PAX3: variants seen among roughly 807,000 people sequenced by gnomAD.
PAX3 encodes the protein paired box 3.
PAX3 carries 14 observed loss-of-function variants against 51.6 expected under a neutral mutation model. The observed-to-expected ratio is 0.27, with a 90% CI of 0.18 to 0.42. The LOEUF (loss-of-function observed/expected upper bound fraction) is 0.42. PAX3 is among the 10% of genes least tolerant of loss of function. PAX3 has a pLI of 1.00. For missense variants in PAX3, 540 were observed against 642.8 expected (o/e 0.84, Z 1.73); for synonymous variants, 280 against 253.4 (o/e 1.11, Z -1.00).
chr2:222,296,020 G>T (rs922275678), intron 2 of PAX3, among the ~76,000 whole-genome samples: 2 of 152,184 alleles, frequency 1.3e-5, no homozygotes, highest in African/African-American at 4.8e-5. Context: ...CTAAAAAAGC[G>T]ATGTTTGAAA....
intron 4 of PAX3, among the ~76,000 whole-genome samples, chr2:222,249,604 A>C (rs1693350675): frequency 6.6e-6 from 1 of 152,228 alleles, no homozygotes; most frequent in Non-Finnish European, 1.5e-5. Flanking sequence ...CACTTTAAGA[A>C]CACAAAACTA....
At chr2:222,242,383 A>G (rs970323986) in intron 4 of PAX3, 9 of 152,164 alleles carry the variant, frequency 5.9e-5, no homozygotes, top group Non-Finnish European at 1.5e-5. Flanking sequence ...CTGACCTGCT[A>G]ACAGCTTCCT....
intron 4 of PAX3, among the ~76,000 whole-genome samples, chr2:222,238,453 C>T (rs554349630): frequency 1.5e-4 from 23 of 152,226 alleles, no homozygotes; most frequent in African/African-American, 5.1e-4. Context: ...AATGGAGAAA[C>T]AAAATAATTC....
intron 4 of PAX3, among the ~76,000 whole-genome samples, chr2:222,253,122 A>G (rs1361405409): frequency 6.6e-6 from 1 of 152,228 alleles, no homozygotes; most frequent in Non-Finnish European, 1.5e-5. Flanking sequence ...CAGAAGCAGC[A>G]TGAAAGAAAG....
chr2:222,243,114 G>T (rs1166621209), intron 4 of PAX3, among the ~76,000 whole-genome samples: 1 of 152,064 alleles, frequency 6.6e-6, no homozygotes, highest in Non-Finnish European at 1.5e-5. Context: ...TATCCACAAG[G>T]AAACTTTGCC....
intron 4 of PAX3, among the ~76,000 whole-genome samples, chr2:222,267,178 C>T (rs183248748): frequency 6.6e-6 from 1 of 152,300 alleles, no homozygotes; most frequent in Admixed American, 6.5e-5. Flanking sequence ...GCCTTCACTC[C>T]TCATAGCACA....
At chr2:222,294,355 G>A in intron 3 of PAX3, 54 bp from the exon 4 acceptor site, 1 of 1,605,212 alleles carries the variant, frequency 6.2e-7, no homozygotes. Flanking sequence ...GAGACAAGCA[G>A]GGCTGTGCGG....
chr2:222,280,767 G>A (rs978272336), intron 4 of PAX3, among the ~76,000 whole-genome samples: 1 of 152,148 alleles, frequency 6.6e-6, no homozygotes, highest in African/African-American at 2.4e-5. Flanking sequence ...AGTAGAACAG[G>A]CCTTGAGTTC....
rs1695464195 is a variant in PAX3, at chr2:222,298,957, G to C, written c.-342C>G. On this transcript the variant is annotated 5_prime_UTR_variant, in exon 1 of 9. Coordinates refer to ENST00000392070, the MANE Select transcript of PAX3 (RefSeq NM_181458.4). The stretch of plus-strand genomic sequence containing the variant: ...AGCCGGGGAGCCTGGTGAGGCTGGA[G>C]CGCGGCCTGCCTGAGTCTCCTCCTG... 6.5e-6 allele frequency: 3 copies of C among 462,674 alleles called. No homozygotes were observed. Among genetic ancestry groups the C allele is most frequent in the Non-Finnish European group, 1.2e-5 (3 of 253,214 alleles). 28.7% of individuals were successfully genotyped at this position (462,674 alleles called of 1,614,324 possible).
chr2:222,296,899 G>A, intron 2 of PAX3, 79 bp downstream of exon 2: 2 of 1,184,000 alleles, frequency 1.7e-6, no homozygotes, highest in South Asian at 2.6e-5. Flanking sequence ...CCAGATGTCA[G>A]CCGTTACCCC....
At chr2:222,228,017 TA>T (rs1692449362) in intron 5 of PAX3, among the ~76,000 whole-genome samples, 1 of 152,202 alleles carries the variant, frequency 6.6e-6, no homozygotes, top group Non-Finnish European at 1.5e-5. Context: ...TGCCCCAAAT[TA>T]AACTAACTCA....
chr2:222,285,943 AT>A (rs954741617), intron 4 of PAX3, among the ~76,000 whole-genome samples: 21 of 151,422 alleles, frequency 1.4e-4, no homozygotes, highest in African/African-American at 2.4e-5. Flanking sequence ...TTGATCAGCT[AT>A]TTTTTTTTCC....
At chr2:222,265,688 A>AGAG (rs1215023894) in intron 4 of PAX3, among the ~76,000 whole-genome samples, 2 of 106,676 alleles carry the variant, frequency 1.9e-5, no homozygotes, top group East Asian at 4.2e-4. Context: ...GGAAGGAAGG[A>AGAG]AGGGAGAAAG....
At position 222,247,794 on chromosome 2, in the gene PAX3, T is replaced by G. The variant is rs375828601; in HGVS notation, c.587-15511A>C. 2.0e-5 allele frequency among the ~76,000 whole-genome samples: 3 copies of G among 151,942 alleles called. No homozygotes were observed. In the East Asian group the frequency reaches 5.8e-4, roughly 29 times the overall value. ...TTGGGCCCAGAGAGGAAAAAAAAAT[T>G]TTTTTTTAGCGTCTTAACCATTCTA... On this transcript the variant is annotated intron_variant, in intron 4 of 8. Transcript: ENST00000392070.
chr2:222,294,530 A>G (rs1161505463), intron 3 of PAX3, among the ~76,000 whole-genome samples: 1 of 151,882 alleles, frequency 6.6e-6, no homozygotes, highest in Non-Finnish European at 1.5e-5. Context: ...GTACTGAAAG[A>G]CGGAGGCTGG....
At position 222,201,434 on chromosome 2, in the gene PAX3, G is replaced by A. The variant is rs1691288851; in HGVS notation, c.1429C>T (p.His477Tyr). ...TACGCGATATCTGGCTTGAGATAAT[G>A]AAAGGCACCTGTAAGGAAACACACG... Reference protein sequence around the residue: ...QYGQYGQSAFHYLKPDIA With the variant: ...QYGQYGQSAFYYLKPDIA Residue 477 changes from histidine (H) to tyrosine (Y), a missense_variant, in exon 9 of 9, where the codon CAT becomes TAT. Coordinates refer to ENST00000392070, the MANE Select transcript of PAX3 (RefSeq NM_181458.4). 1 of 1,614,012 alleles carries A rather than the reference G, an allele frequency of 6.2e-7. No homozygotes were observed.
At chr2:222,201,866 T>C in intron 8 of PAX3, 78 bp downstream of exon 8, 2 of 1,613,434 alleles carry the variant, frequency 1.2e-6, no homozygotes, top group Non-Finnish European at 1.7e-6. Context: ...ATCTTGCCTC[T>C]AATTCACCTT....
rs141610984 is a variant in PAX3, at chr2:222,296,648, A to G, written c.321+330T>C. Among the ~76,000 whole-genome samples the G allele has an allele frequency of 1.6e-3, 241 of 152,336 alleles. 1 individual carries two copies. The highest frequency in any genetic ancestry group is 5.7e-3 in the African/African-American group (236 of 41,580). ...GAGCCGGGAAGACACTTAGGGAAGA[A>G]ATCGGCAACAGGTGGGCACATAGAG... On this transcript the variant is annotated intron_variant, in intron 2 of 8. Transcript: ENST00000392070.
At chr2:222,258,931 A>C (rs1244657321) in intron 4 of PAX3, among the ~76,000 whole-genome samples, 1 of 148,794 alleles carries the variant, frequency 6.7e-6, no homozygotes, top group Middle Eastern at 3.3e-3. Context: ...TCTGCGGTTG[A>C]CTGTGGCACT....
Sources: allele counts gnomAD v4.1 joint callset (sites outside exome capture counted in the v4.1 genomes callset), GRCh38; gene constraint gnomAD v4.1.1; transcripts MANE v1.5; gene names NCBI Gene and HGNC (gene_info 2026-07-23, HGNC 2026-07-21).